Variants in HS6ST3 observed in about 807,000 individuals in gnomAD.
The protein encoded by HS6ST3 is heparan sulfate 6-O-sulfotransferase 3.
HS6ST3 carries 12 observed loss-of-function variants against 36.7 expected under a neutral mutation model. The observed-to-expected ratio is 0.33, with a 90% CI of 0.21 to 0.53. The LOEUF (loss-of-function observed/expected upper bound fraction) is 0.53. Among genes scored for constraint, HS6ST3 ranks in the 20% least tolerant of loss-of-function variants. The pLI, the probability that HS6ST3 is intolerant of heterozygous loss-of-function variation, is 0.95. For missense variants in HS6ST3, 584 were observed against 640.9 expected (o/e 0.91, Z 0.96); for synonymous variants, 240 against 257.5 (o/e 0.93, Z 0.65).
At chr13:96,807,621 T>C (rs1180040598) in intron 1 of HS6ST3, among the ~76,000 whole-genome samples, 1 of 152,140 alleles carries the variant, frequency 6.6e-6, no homozygotes, top group Non-Finnish European at 1.5e-5. Flanking sequence ...TTTGAGATGA[T>C]TGTCATAAGA....
intron 1 of HS6ST3, among the ~76,000 whole-genome samples, chr13:96,715,652 T>C (rs182451987): frequency 6.6e-6 from 1 of 152,234 alleles, no homozygotes; most frequent in East Asian, 1.9e-4. Context: ...TTCTCCCCTA[T>C]CTCTAGTTAA....
chr13:96,170,484 T>C (rs2054182471), intron 1 of HS6ST3, among the ~76,000 whole-genome samples: 1 of 152,268 alleles, frequency 6.6e-6, no homozygotes, highest in Admixed American at 6.5e-5. Flanking sequence ...CATGTGATCC[T>C]GTTAGTGAGC....
chr13:96,681,901 C>T (rs1420693644), intron 1 of HS6ST3, among the ~76,000 whole-genome samples: 2 of 152,094 alleles, frequency 1.3e-5, no homozygotes, highest in East Asian at 1.9e-4. Flanking sequence ...AAAAATACTT[C>T]CTCATCCTTT....
At position 96,811,701 on chromosome 13, in the gene HS6ST3, C is replaced by T. The variant is rs1043998250; in HGVS notation, c.708-20789C>T. ...AAAGTTGAGCACATATAATAAATAA[C>T]CATTTGTACCTACTATTGAAATTTA... On this transcript the variant is annotated intron_variant, in intron 1 of 1. Coordinates refer to ENST00000376705, the MANE Select transcript of HS6ST3 (RefSeq NM_153456.4). 5.9e-5 allele frequency among the ~76,000 whole-genome samples: 9 copies of T among 152,102 alleles called. 1 individual carries two copies. Among genetic ancestry groups the T allele is most frequent in the Admixed American group, 5.9e-4 (9 of 15,272 alleles).
chr13:96,136,645 C>A (rs1471199048), intron 1 of HS6ST3, among the ~76,000 whole-genome samples: 2 of 143,682 alleles, frequency 1.4e-5, no homozygotes, highest in East Asian at 2.1e-4. Flanking sequence ...CAAACCATAT[C>A]ATGTATATTT....
intron 1 of HS6ST3, among the ~76,000 whole-genome samples, chr13:96,697,333 T>C (rs1025618470): frequency 6.6e-6 from 1 of 151,802 alleles, no homozygotes; most frequent in African/African-American, 2.4e-5. Flanking sequence ...TTGGAAAATA[T>C]GAGATAAAAT....
intron 1 of HS6ST3, among the ~76,000 whole-genome samples, chr13:96,430,593 G>C (rs1184541623): frequency 6.6e-6 from 1 of 152,152 alleles, no homozygotes; most frequent in African/African-American, 2.4e-5. Context: ...ACTGCCCTCT[G>C]TGCTAGTCTC....
intron 1 of HS6ST3, among the ~76,000 whole-genome samples, chr13:96,534,041 T>C (rs890046108): frequency 6.6e-6 from 1 of 152,200 alleles, no homozygotes; most frequent in Non-Finnish European, 1.5e-5. Context: ...GTTTTTAAAA[T>C]GTTTCTTCTC....
chr13:96,766,771 C>T (rs1877128255), intron 1 of HS6ST3, among the ~76,000 whole-genome samples: 1 of 152,144 alleles, frequency 6.6e-6, no homozygotes, highest in Non-Finnish European at 1.5e-5. Context: ...AGGCCATCCC[C>T]AGCCATGATG....
chr13:96,221,271 A>G (rs2054454033), intron 1 of HS6ST3, among the ~76,000 whole-genome samples: 1 of 152,132 alleles, frequency 6.6e-6, no homozygotes, highest in African/African-American at 2.4e-5. Context: ...ACATATGACT[A>G]TTATTCAAAT....
intron 1 of HS6ST3, among the ~76,000 whole-genome samples, chr13:96,765,640 C>A (rs1311307389): frequency 6.6e-6 from 1 of 151,714 alleles, no homozygotes; most frequent in Non-Finnish European, 1.5e-5. Context: ...GTTTCTGTCT[C>A]TGTCTCTCTC....
chr13:96,489,152 AT>A (rs2138904172), intron 1 of HS6ST3, among the ~76,000 whole-genome samples: 1 of 152,144 alleles, frequency 6.6e-6, no homozygotes, highest in East Asian at 1.9e-4. Flanking sequence ...AAGAAATAGC[AT>A]TTCTTGCCTC....
Position 96,741,518 on chromosome 13 carries a change from T to C in HS6ST3, c.708-90972T>C, listed in dbSNP as rs563887378. 5.9e-5 allele frequency among the ~76,000 whole-genome samples: 9 copies of C among 152,246 alleles called. No homozygotes were observed. The South Asian group carries it at 1.9e-3, about 32-fold the overall frequency. On this transcript the variant is annotated intron_variant, in intron 1 of 1. Transcript: ENST00000376705. ...CCTTTGTTCTAGTGCAGCTACCTACTCCAATGTGGCAAACATTTATAAAGC... is the reference window on the plus strand; with the variant it reads ...CCTTTGTTCTAGTGCAGCTACCTACCCCAATGTGGCAAACATTTATAAAGC...
intron 1 of HS6ST3, among the ~76,000 whole-genome samples, chr13:96,648,268 A>G (rs964404933): frequency 6.6e-6 from 1 of 152,036 alleles, no homozygotes; most frequent in Non-Finnish European, 1.5e-5. Context: ...TGCCTAAAAT[A>G]GAACTTGTTT....
At chr13:96,254,515 A>C (rs2054627601) in intron 1 of HS6ST3, among the ~76,000 whole-genome samples, 2 of 111,364 alleles carry the variant, frequency 1.8e-5, no homozygotes, top group Non-Finnish European at 3.5e-5. Context: ...ACATACACAC[A>C]CACACTTTTT....
At chr13:96,353,249 G>A (rs184021846) in intron 1 of HS6ST3, among the ~76,000 whole-genome samples, 41 of 151,808 alleles carry the variant, frequency 2.7e-4, no homozygotes, top group Non-Finnish European at 4.6e-4. Flanking sequence ...GTCCAGGATG[G>A]TCTTGATCTC....
intron 1 of HS6ST3, among the ~76,000 whole-genome samples, chr13:96,723,169 A>G (rs1875894967): frequency 6.6e-6 from 1 of 152,132 alleles, no homozygotes; most frequent in South Asian, 2.1e-4. Context: ...CCTTCCTTGC[A>G]GCTGGGTATG....
intron 1 of HS6ST3, among the ~76,000 whole-genome samples, chr13:96,662,115 G>A (rs2139019858): frequency 6.6e-6 from 1 of 152,246 alleles, no homozygotes; most frequent in East Asian, 1.9e-4. Context: ...GGTGCTCTGA[G>A]TCTCTTGTGT....
chr13:96,108,378 G>A (rs142122489), intron 1 of HS6ST3, among the ~76,000 whole-genome samples: 2,356 of 152,338 alleles, frequency 0.015, 66 homozygotes, highest in African/African-American at 0.054. Context: ...TGCGTGCACA[G>A]TGGGACATGA....
Sources: gnomAD v4.1 joint callset for allele counts (sites outside exome capture counted in the v4.1 genomes callset) on GRCh38, gnomAD v4.1.1 for gene constraint, MANE v1.5 for transcripts, NCBI Gene and HGNC (gene_info 2026-07-23, HGNC 2026-07-21) for gene names.